The following PCDH15 variants were observed in gnomAD, a reference collection of about 807,000 sequenced individuals.
The protein encoded by PCDH15 is protocadherin related 15.
In PCDH15, 129 loss-of-function variants were observed where a neutral mutation model predicts 178.5. That is an observed-to-expected ratio of 0.72 (90% CI 0.63 to 0.84). The LOEUF is 0.84. Among genes scored for constraint, PCDH15 ranks in the 40% least tolerant of loss-of-function variants. The pLI is 0.00. For synonymous variants in PCDH15, 800 were observed against 732.0 expected, an observed-to-expected ratio of 1.09 and a Z score of -1.50; for missense variants, 2,230 against 2,099.9, an observed-to-expected ratio of 1.06 and a Z score of -1.21.
At position 55,078,452 on chromosome 10, in the gene PCDH15, T is replaced by C. The variant is rs540499039; in HGVS notation, c.-80+88124A>G. Among the ~76,000 whole-genome samples the C allele has an allele frequency of 4.6e-5, 7 of 152,306 alleles. No homozygotes were observed. In the East Asian group the frequency reaches 1.4e-3, roughly 29 times the overall value. On this transcript the variant is annotated intron_variant, in intron 2 of 5. Transcript: ENST00000458638. ...CATCCTCTGAAATACTGATAATTTG[T>C]ATATGTAGTCACTTTATGATGACCC...
At chr10:55,369,791 G>T (rs1845457465) in intron 2 of PCDH15, among the ~76,000 whole-genome samples, 1 of 151,700 alleles carries the variant, frequency 6.6e-6, no homozygotes, top group Admixed American at 6.6e-5. Context: ...ACATGTAATT[G>T]GTCAGCCAAT....
intron 8 of PCDH15, among the ~76,000 whole-genome samples, chr10:54,290,534 C>G (rs1294906333): frequency 6.6e-6 from 1 of 152,164 alleles, no homozygotes; most frequent in Non-Finnish European, 1.5e-5. Context: ...GGATCAAATT[C>G]ACACATAAAA....
chr10:54,008,763 T>C (rs941775856), intron 20 of PCDH15, among the ~76,000 whole-genome samples: 2 of 152,146 alleles, frequency 1.3e-5, no homozygotes, highest in African/African-American at 4.8e-5. Context: ...AAATGAATTA[T>C]TTTTCTATTT....
At chr10:54,794,799 GA>G (rs1247830383) in intron 1 of PCDH15, among the ~76,000 whole-genome samples, 1 of 151,732 alleles carries the variant, frequency 6.6e-6, no homozygotes, top group Admixed American at 6.6e-5. Context: ...AAGAAAGTAG[GA>G]AAATAAACAT....
chr10:55,278,301 C>T (rs1028668068), intron 1 of PCDH15, among the ~76,000 whole-genome samples: 18 of 151,894 alleles, frequency 1.2e-4, no homozygotes, highest in African/African-American at 4.4e-4. Flanking sequence ...TGTGGGTAGA[C>T]AGTTTATACA....
At chr10:55,289,939 G>C (rs1275086766) in intron 1 of PCDH15, among the ~76,000 whole-genome samples, 1 of 150,180 alleles carries the variant, frequency 6.7e-6, no homozygotes, top group Non-Finnish European at 1.5e-5. Flanking sequence ...CTGCCTCTGT[G>C]ATTTCCTTTG....
At chr10:54,007,235 G>C (rs572076562) in intron 20 of PCDH15, among the ~76,000 whole-genome samples, 2 of 152,100 alleles carry the variant, frequency 1.3e-5, no homozygotes, top group Admixed American at 6.6e-5. Flanking sequence ...TATCACTCTG[G>C]ATCTTTTAAA....
intron 1 of PCDH15, among the ~76,000 whole-genome samples, chr10:54,690,310 C>CTTTTT (rs71014404): frequency 1.6e-5 from 2 of 126,136 alleles, no homozygotes; most frequent in Non-Finnish European, 1.6e-5. Context: ...ACAAGACTAC[C>CTTTTT]TTTTTTTTTT....
chr10:54,238,657 T>TG (rs2054883372), intron 8 of PCDH15, among the ~76,000 whole-genome samples: 1 of 97,672 alleles, frequency 1.0e-5, no homozygotes, highest in South Asian at 3.5e-4. Context: ...CCTCCCATGC[T>TG]GCCTCTCTCT....
chr10:54,623,422 T>C (rs1590632891), intron 2 of PCDH15, among the ~76,000 whole-genome samples: 2 of 152,126 alleles, frequency 1.3e-5, no homozygotes, highest in East Asian at 3.9e-4. Flanking sequence ...GACTAACTTT[T>C]TTACATAATA....
Position 54,753,985 on chromosome 10 carries a change from T to TA in PCDH15, c.-29+46939_-29+46940insT, listed in dbSNP as rs1400163990. 1.3e-4 allele frequency among the ~76,000 whole-genome samples: 16 copies of TA among 125,152 alleles called. No individual in the cohort carries two copies. The East Asian group carries it at 1.4e-3, about 11-fold the overall frequency. 82.1% of individuals were successfully genotyped at this position (125,152 alleles called of 152,430 possible). On this transcript the variant is annotated intron_variant, in intron 1 of 37. Coordinates refer to ENST00000644397, the MANE Select transcript of PCDH15 (RefSeq NM_001384140.1). ...CACCACGGCCGGCTGATTTTTTTTT[T>TA]TTATTATTATTATTTTTTATTTTTA...
At chr10:55,392,150 A>C (rs1279491978) in intron 2 of PCDH15, among the ~76,000 whole-genome samples, 1 of 152,192 alleles carries the variant, frequency 6.6e-6, no homozygotes, top group African/African-American at 2.4e-5. Context: ...AGTAACATTA[A>C]AGATCACTGA....
intron 18 of PCDH15, among the ~76,000 whole-genome samples, chr10:54,036,853 C>T (rs192946150): frequency 2.3e-4 from 35 of 151,986 alleles, no homozygotes; most frequent in African/African-American, 8.2e-4. Context: ...AATGATTCAC[C>T]ATTCTAGATG....
chr10:54,921,410 A>T (rs1302252086), intron 2 of PCDH15, among the ~76,000 whole-genome samples: 1 of 151,972 alleles, frequency 6.6e-6, no homozygotes, highest in Non-Finnish European at 1.5e-5. Context: ...GGTTTGTTGT[A>T]CAGATTATTT....
intron 13 of PCDH15, among the ~76,000 whole-genome samples, chr10:54,167,950 C>T (rs182820750): frequency 7.3e-5 from 11 of 151,492 alleles, no homozygotes; most frequent in Non-Finnish European, 1.0e-4. Context: ...TAAGAACCCC[C>T]GAACCCCTTC....
chr10:55,486,935 T>A (rs1349282692), intron 2 of PCDH15, among the ~76,000 whole-genome samples: 2 of 151,588 alleles, frequency 1.3e-5, no homozygotes, highest in Non-Finnish European at 3.0e-5. Flanking sequence ...TCTCCCTACC[T>A]ACTAAAACTT....
chr10:53,866,258 C>A (rs2133150459), intron 27 of PCDH15, among the ~76,000 whole-genome samples: 1 of 152,082 alleles, frequency 6.6e-6, no homozygotes, highest in African/African-American at 2.4e-5. Flanking sequence ...AGTTTAATTT[C>A]TATAGTATAA....
chr10:55,029,802 AAAG>A (rs1840563675), intron 2 of PCDH15, among the ~76,000 whole-genome samples: 1 of 152,102 alleles, frequency 6.6e-6, no homozygotes, highest in Non-Finnish European at 1.5e-5. Flanking sequence ...GGTTGAGGAG[AAAG>A]GAGAAACTAC....
chr10:54,470,936 T>A (rs1474380000), intron 3 of PCDH15, among the ~76,000 whole-genome samples: 1 of 152,072 alleles, frequency 6.6e-6, no homozygotes, highest in Non-Finnish European at 1.5e-5. Flanking sequence ...TATTCACTGA[T>A]CAGGTACAAA....
Sources: gnomAD v4.1 joint callset for allele counts (sites outside exome capture counted in the v4.1 genomes callset) on GRCh38, gnomAD v4.1.1 for gene constraint, MANE v1.5 for transcripts, NCBI Gene and HGNC (gene_info 2026-07-23, HGNC 2026-07-21) for gene names.